Variants in AGBL4 observed in about 807,000 individuals in gnomAD.
AGBL4 encodes cytosolic carboxypeptidase 6.
AGBL4 carries 58 observed loss-of-function variants against 66.4 expected under a neutral mutation model. The observed-to-expected ratio is 0.87, with a 90% CI of 0.71 to 1.09. The LOEUF (loss-of-function observed/expected upper bound fraction) is 1.09, where lower values mean the gene tolerates loss of function less well. Among genes scored for constraint, AGBL4 ranks in the 50% least tolerant of loss-of-function variants. The probability of loss-of-function intolerance (pLI) is 0.00; values close to 1 mark genes in which losing one functional copy is unlikely to be tolerated. For missense variants in AGBL4, 579 were observed against 631.0 expected (o/e 0.92, Z 0.88); for synonymous variants, 234 against 222.9 (o/e 1.05, Z -0.44).
chr1:49,730,534 C>A (rs1649360711), intron 2 of AGBL4, among the ~76,000 whole-genome samples: 1 of 152,116 alleles, frequency 6.6e-6, no homozygotes, highest in Non-Finnish European at 1.5e-5. Flanking sequence ...CCTTGGGACT[C>A]CCCAAGGAGT....
chr1:48,526,940 C>A, the AGBL4 span, among the ~76,000 whole-genome samples: 1 of 152,072 alleles, frequency 6.6e-6, no homozygotes, highest in Non-Finnish European at 1.5e-5. Context: ...TCATCCAGGA[C>A]CGCTGACTCT....
chr1:49,252,571 A>G (rs933231269), intron 3 of AGBL4, among the ~76,000 whole-genome samples: 6 of 152,192 alleles, frequency 3.9e-5, no homozygotes, highest in Non-Finnish European at 7.3e-5. Context: ...CTCCAGTAAG[A>G]TACTTCACAA....
intron 5 of AGBL4, among the ~76,000 whole-genome samples, chr1:48,995,917 A>T (rs1481864447): frequency 6.6e-6 from 1 of 152,152 alleles, no homozygotes; most frequent in East Asian, 1.9e-4. Context: ...TGGAGAATGG[A>T]TTCTAGGGGC....
chr1:49,495,547 A>G (rs953569782), intron 3 of AGBL4, among the ~76,000 whole-genome samples: 1 of 146,326 alleles, frequency 6.8e-6, no homozygotes, highest in Admixed American at 6.9e-5. Flanking sequence ...CAGAAGGAAC[A>G]AAAAAAAAAA....
intron 3 of AGBL4, among the ~76,000 whole-genome samples, chr1:49,257,641 G>A (rs776032110): frequency 2.5e-4 from 38 of 152,152 alleles, no homozygotes; most frequent in African/African-American, 6.0e-4. Context: ...AATGCCTCGC[G>A]CTGCTTTGGC....
chr1:49,950,128 GTA>G (rs1373382793), intron 1 of AGBL4, among the ~76,000 whole-genome samples: 46 of 133,586 alleles, frequency 3.4e-4, no homozygotes, highest in Non-Finnish European at 5.5e-4. Context: ...ACACATATGT[GTA>G]TATATATACA....
chr1:49,158,715 G>A (rs900601430), intron 4 of AGBL4, among the ~76,000 whole-genome samples: 2 of 151,764 alleles, frequency 1.3e-5, no homozygotes, highest in Non-Finnish European at 1.5e-5. Context: ...TCTCTTTGTA[G>A]GTCTCTAAGA....
chr1:49,483,443 C>T (rs1002456836), intron 3 of AGBL4, among the ~76,000 whole-genome samples: 2 of 151,842 alleles, frequency 1.3e-5, no homozygotes, highest in African/African-American at 4.8e-5. Flanking sequence ...TCTCAAAATA[C>T]CAATGAAATT....
At chr1:49,334,316 G>A (rs982006604) in intron 3 of AGBL4, among the ~76,000 whole-genome samples, 2 of 152,084 alleles carry the variant, frequency 1.3e-5, no homozygotes, top group Non-Finnish European at 2.9e-5. Context: ...TATATCAAAT[G>A]ACCTCATACT....
chr1:49,914,028 C>G (rs1290537436), intron 1 of AGBL4, among the ~76,000 whole-genome samples: 1 of 152,198 alleles, frequency 6.6e-6, no homozygotes, highest in Admixed American at 6.5e-5. Context: ...CTCCCATTGT[C>G]TATATGAATA....
intron 5 of AGBL4, among the ~76,000 whole-genome samples, chr1:48,886,014 C>T (rs1180350056): frequency 6.6e-6 from 1 of 152,200 alleles, no homozygotes; most frequent in African/African-American, 2.4e-5. Context: ...AGCTCCCTTT[C>T]CCTTTTCTCC....
At chr1:49,568,524 A>ACACACAC (rs750607745) in intron 3 of AGBL4, among the ~76,000 whole-genome samples, 2,510 of 49,894 alleles carry the variant, frequency 0.05, 26 homozygotes, top group Non-Finnish European at 0.083. Flanking sequence ...CACACACACA[A>ACACACAC]ATGCCATGCT....
At chr1:49,465,259 AC>A (rs1646604748) in intron 3 of AGBL4, among the ~76,000 whole-genome samples, 1 of 145,310 alleles carries the variant, frequency 6.9e-6, no homozygotes, top group African/African-American at 2.5e-5. Context: ...ACACACACAC[AC>A]ACGCAGACAT....
chr1:49,062,612 C>T (rs754904876), intron 4 of AGBL4, among the ~76,000 whole-genome samples: 7 of 152,164 alleles, frequency 4.6e-5, no homozygotes, highest in Admixed American at 1.3e-4. Context: ...CAGCATAACA[C>T]GTAAGCCATG....
intron 2 of AGBL4, among the ~76,000 whole-genome samples, chr1:49,738,833 C>A (rs989461894): frequency 1.3e-5 from 2 of 152,202 alleles, no homozygotes; most frequent in Admixed American, 6.5e-5. Flanking sequence ...AACAGACTTG[C>A]AGCTGAGGGT....
At chr1:49,623,951 A>C (rs1308720819) in intron 3 of AGBL4, among the ~76,000 whole-genome samples, 1 of 151,902 alleles carries the variant, frequency 6.6e-6, no homozygotes, top group Non-Finnish European at 1.5e-5. Context: ...CATTTTTCTC[A>C]TCTGTAGAAT....
At chr1:49,350,204 GT>G (rs1379677990) in intron 3 of AGBL4, among the ~76,000 whole-genome samples, 35 of 145,648 alleles carry the variant, frequency 2.4e-4, no homozygotes, top group African/African-American at 7.4e-4. Context: ...TTTTTGTTTT[GT>G]TTTGTTTTTT....
intron 3 of AGBL4, among the ~76,000 whole-genome samples, chr1:49,637,283 T>C (rs1203301431): frequency 1.3e-5 from 2 of 152,132 alleles, no homozygotes; most frequent in African/African-American, 4.8e-5. Flanking sequence ...AACTACATAC[T>C]TCTTTTATTC....
At chr1:49,700,186 CTA>C (rs1269133210) in intron 2 of AGBL4, among the ~76,000 whole-genome samples, 2 of 151,154 alleles carry the variant, frequency 1.3e-5, no homozygotes, top group African/African-American at 2.4e-5. Context: ...GCAAATGTAA[CTA>C]TACTTATATC....
Sources: gnomAD v4.1 joint callset for allele counts (sites outside exome capture counted in the v4.1 genomes callset) on GRCh38, gnomAD v4.1.1 for gene constraint, MANE v1.5 for transcripts, NCBI Gene and HGNC (gene_info 2026-07-23, HGNC 2026-07-21) for gene names.